BCAS1: variants seen among roughly 807,000 people sequenced by gnomAD.
BCAS1 encodes breast carcinoma-amplified sequence 1.
A neutral mutation model predicts 65.4 loss-of-function variants in BCAS1; 46 were observed. That is an observed-to-expected ratio of 0.70 (90% CI 0.55 to 0.90). The LOEUF (loss-of-function observed/expected upper bound fraction) is 0.90, where lower values mean the gene tolerates loss of function less well. BCAS1 is among the 40% of genes least tolerant of loss of function. The probability of loss-of-function intolerance (pLI) is 0.00; values close to 1 mark genes in which losing one functional copy is unlikely to be tolerated. For synonymous variants in BCAS1, 298 were observed against 293.5 expected, an observed-to-expected ratio of 1.02 and a Z score of -0.16; for missense variants, 793 against 771.2, an observed-to-expected ratio of 1.03 and a Z score of -0.33.
intron 3 of BCAS1, among the ~76,000 whole-genome samples, chr20:54,054,833 T>C (rs1486262569): frequency 6.6e-6 from 1 of 152,154 alleles, no homozygotes; most frequent in Non-Finnish European, 1.5e-5. Flanking sequence ...GAAACCTATT[T>C]CCCTCCTTTT....
At chr20:54,060,292 C>T (rs1011294249) in intron 1 of BCAS1, among the ~76,000 whole-genome samples, 1 of 152,172 alleles carries the variant, frequency 6.6e-6, no homozygotes, top group African/African-American at 2.4e-5. Flanking sequence ...AACAAAAATG[C>T]ATAGGGTTCT....
chr20:53,986,262 C>T (rs2090613680), intron 7 of BCAS1, among the ~76,000 whole-genome samples: 1 of 152,162 alleles, frequency 6.6e-6, no homozygotes, highest in Non-Finnish European at 1.5e-5. Flanking sequence ...TCTCCTTTCT[C>T]TCTTTCTGTC....
At chr20:53,956,097 A>T (rs1472743828) in intron 11 of BCAS1, among the ~76,000 whole-genome samples, 1 of 152,246 alleles carries the variant, frequency 6.6e-6, no homozygotes, top group Non-Finnish European at 1.5e-5. Flanking sequence ...TAATAGTAAT[A>T]GTAACATATA....
chr20:53,949,824 G>A (rs145488781), intron 12 of BCAS1, among the ~76,000 whole-genome samples: 1 of 152,206 alleles, frequency 6.6e-6, no homozygotes, highest in Non-Finnish European at 1.5e-5. Context: ...CCAGCCTGAA[G>A]GGATGCTGCC....
intron 3 of BCAS1, among the ~76,000 whole-genome samples, chr20:54,043,834 G>GGCACTGCTATTGC (rs2092047612): frequency 6.6e-6 from 1 of 152,106 alleles, no homozygotes; most frequent in Admixed American, 6.5e-5. Context: ...ACTGCTATTG[G>GGCACTGCTATTGC]GCACTGCTAT....
chr20:54,023,741 C>T (rs1472659883), intron 4 of BCAS1, among the ~76,000 whole-genome samples: 2 of 152,148 alleles, frequency 1.3e-5, no homozygotes, highest in African/African-American at 4.8e-5. Flanking sequence ...AAATGTCAGA[C>T]AAAGAAACTG....
chr20:54,061,718 T>C (rs1214162467), intron 1 of BCAS1, among the ~76,000 whole-genome samples: 1 of 152,232 alleles, frequency 6.6e-6, no homozygotes, highest in African/African-American at 2.4e-5. Flanking sequence ...TCATACCACA[T>C]AATAAAGCTG....
intron 4 of BCAS1, among the ~76,000 whole-genome samples, chr20:54,008,095 A>G (rs1365632910): frequency 1.3e-5 from 2 of 152,246 alleles, no homozygotes; most frequent in Non-Finnish European, 2.9e-5. Flanking sequence ...GAAAACTTTT[A>G]GACAATGACC....
At chr20:53,960,469 TA>T (rs11467629) in intron 10 of BCAS1, among the ~76,000 whole-genome samples, 18,683 of 63,114 alleles carry the variant, frequency 0.3, 2,606 homozygotes, top group Non-Finnish European at 0.38. Flanking sequence ...TTCAACTTCT[TA>T]AAAAAAAAAA....
At chr20:54,062,247 GA>G (rs1484773784) in intron 1 of BCAS1, among the ~76,000 whole-genome samples, 1 of 152,130 alleles carries the variant, frequency 6.6e-6, no homozygotes, top group Non-Finnish European at 1.5e-5. Flanking sequence ...AAAAATCATA[GA>G]AATGATAGAG....
At chr20:54,004,378 T>C (rs1356720010) in intron 4 of BCAS1, among the ~76,000 whole-genome samples, 2 of 152,214 alleles carry the variant, frequency 1.3e-5, no homozygotes, top group Admixed American at 1.3e-4. Context: ...ATCCAGTCTA[T>C]GGTACTTTGA....
intron 11 of BCAS1, among the ~76,000 whole-genome samples, chr20:53,955,635 A>T (rs1452840980): frequency 6.6e-6 from 1 of 152,194 alleles, no homozygotes; most frequent in East Asian, 1.9e-4. Flanking sequence ...TAGTTTCCTC[A>T]TCTCTATGGG....
At chr20:54,027,980 T>C (rs942747161) in intron 4 of BCAS1, among the ~76,000 whole-genome samples, 12 of 152,208 alleles carry the variant, frequency 7.9e-5, no homozygotes, top group African/African-American at 2.9e-4. Flanking sequence ...AGGGACGAAA[T>C]GTGTTCCAAC....
intron 7 of BCAS1, among the ~76,000 whole-genome samples, chr20:53,987,551 A>C (rs1283785694): frequency 6.6e-6 from 1 of 152,220 alleles, no homozygotes; most frequent in Non-Finnish European, 1.5e-5. Context: ...GTATTATTCA[A>C]TAATTCATTT....
chr20:54,036,538 C>T (rs1313496519), intron 3 of BCAS1, among the ~76,000 whole-genome samples: 3 of 151,238 alleles, frequency 2.0e-5, no homozygotes, highest in Non-Finnish European at 4.4e-5. Context: ...TGACTCTTAA[C>T]TGCTCACTCT....
intron 12 of BCAS1, among the ~76,000 whole-genome samples, chr20:53,949,551 C>A (rs2089447090): frequency 6.6e-6 from 1 of 152,212 alleles, no homozygotes; most frequent in Non-Finnish European, 1.5e-5. Flanking sequence ...ATTCCCCTCC[C>A]AGGAAGGCGG....
chr20:54,031,808 C>T (rs2091806932), intron 3 of BCAS1, among the ~76,000 whole-genome samples: 1 of 151,046 alleles, frequency 6.6e-6, no homozygotes, highest in Non-Finnish European at 1.5e-5. Flanking sequence ...TTGGTCAGTC[C>T]CTGTTTCACT....
At chr20:54,041,963 A>G (rs1226014799) in intron 3 of BCAS1, among the ~76,000 whole-genome samples, 1 of 150,208 alleles carries the variant, frequency 6.7e-6, no homozygotes, top group Non-Finnish European at 1.5e-5. Flanking sequence ...GTGGGAGTGT[A>G]ATTTGGCCAC....
chr20:54,027,334 C>T (rs540312357), intron 4 of BCAS1, among the ~76,000 whole-genome samples: 15 of 152,284 alleles, frequency 9.9e-5, no homozygotes, highest in African/African-American at 2.6e-4. Context: ...CATAGATTAA[C>T]GTGATACTTA....
Sources: allele counts gnomAD v4.1 joint callset (sites outside exome capture counted in the v4.1 genomes callset), GRCh38; gene constraint gnomAD v4.1.1; transcripts MANE v1.5; gene names NCBI Gene and HGNC (gene_info 2026-07-23, HGNC 2026-07-21).